Variants in ADGRB1 observed in about 807,000 individuals in gnomAD.
The protein encoded by ADGRB1 is adhesion G protein-coupled receptor B1, also known as brain-specific angiogenesis inhibitor 1.
In ADGRB1, 36 loss-of-function variants were observed where a neutral mutation model predicts 175.7. The ratio of observed to expected loss-of-function variants is 0.20; its 90% CI spans 0.16 to 0.27. The LOEUF (loss-of-function observed/expected upper bound fraction) is 0.27, where lower values mean the gene tolerates loss of function less well. Among genes scored for constraint, ADGRB1 ranks in the 10% least tolerant of loss-of-function variants. The pLI is 1.00. For synonymous variants in ADGRB1, 1,054 were observed against 979.4 expected (o/e 1.08, Z -1.42); for missense variants, 1,731 against 2,255.3 (o/e 0.77, Z 4.71).
chr8:142,475,696 G>T (rs1587287147), intron 3 of ADGRB1, 61 bp downstream of exon 3: 3 of 1,164,606 alleles, frequency 2.6e-6, no homozygotes, highest in Admixed American at 4.5e-5. Context: ...TGTGAGGGAG[G>T]AGAGGGGGGT....
In ADGRB1 at chr8:142,464,876, AC is replaced by A; in HGVS notation, c.682del (p.Leu228TrpfsTer9). On this transcript the variant is annotated frameshift_variant, in exon 2 of 31. Coordinates refer to ENST00000517894, the MANE Select transcript of ADGRB1 (RefSeq NM_001702.3). LOFTEE classifies it high-confidence loss of function. ...GCGAGGCGGGCGGCCCTGCCGCGGG[AC>A]CCCTGGCCCCCCGCGGGGATGTCTG... ...GGEAGGPAAG[P>X]LAPRGDVCLR... 6.6e-7 allele frequency: 1 copy of A among 1,520,774 alleles called. No homozygotes were observed. Among genetic ancestry groups the A allele is most frequent in the Non-Finnish European group, 8.8e-7 (1 of 1,140,170 alleles). 94.2% of individuals were successfully genotyped at this position (1,520,774 alleles called of 1,614,324 possible). A position where few individuals can be genotyped will look rare whatever the true frequency, so the allele number is the denominator to read the frequency against.
At chr8:142,461,171 T>C (rs986694276) in intron 1 of ADGRB1, among the ~76,000 whole-genome samples, 6 of 152,292 alleles carry the variant, frequency 3.9e-5, no homozygotes, top group South Asian at 2.1e-4. Context: ...GCAGAGAGCA[T>C]GGGCGGTGAC....
chr8:142,450,509 G>C (rs1347506914), intron 1 of ADGRB1, among the ~76,000 whole-genome samples: 1 of 152,008 alleles, frequency 6.6e-6, no homozygotes, highest in African/African-American at 2.4e-5. Context: ...GCTGGCGGGG[G>C]TCTAAGGGAG....
rs1184827655 is a variant in ADGRB1, at chr8:142,544,291, G to T, written c.4629G>T (p.Trp1543Cys). The T allele has an allele frequency of 5.8e-6, 9 of 1,549,294 alleles. No homozygotes were observed. The highest frequency in any genetic ancestry group is 7.8e-6 in the Non-Finnish European group (9 of 1,146,610). ...GGAAAGCCCACGGGACGCCCACGTGGGTGAAGAAGGAGCTGGAGCCGCTGC... is the reference window on the plus strand; with the variant it reads ...GGAAAGCCCACGGGACGCCCACGTGTGTGAAGAAGGAGCTGGAGCCGCTGC... Reference protein sequence around the residue: ...SLRKAHGTPTWVKKELEPLQP... With the variant: ...SLRKAHGTPTCVKKELEPLQP... The change falls in exon 31 of 31, where the codon TGG becomes TGT. Residue 1543 changes from tryptophan (W) to cysteine (C), a missense_variant. This residue lies in a region of ADGRB1 where 394 missense variants were observed against 410.2 expected (regional missense o/e 0.96). Coordinates refer to ENST00000517894, the MANE Select transcript of ADGRB1 (RefSeq NM_001702.3).
Position 142,477,146 on chromosome 8 carries a change from A to G in ADGRB1, c.1090A>G (p.Ser364Gly), listed in dbSNP as rs1173022609. The G allele has an allele frequency of 6.3e-7, 1 of 1,590,274 alleles. No homozygotes were observed. The change falls in exon 5 of 31, where the codon AGC (serine) becomes GGC (glycine). Residue 364 changes from serine (S) to glycine (G), a missense_variant. Ser to Gly is a moderately conservative substitution (Grantham distance 56). This residue lies in a region of ADGRB1 where 178 missense variants were observed against 227.8 expected (regional missense o/e 0.78). Transcript: ENST00000517894. ...DPAAEEWSPW[S>G]VCSSTCGEGW... ...AGCAGCCGAGGAGTGGTCCCCGTGGAGCGTGTGCTCCAGCACCTGCGGCGA... is the reference window on the plus strand; with the variant it reads ...AGCAGCCGAGGAGTGGTCCCCGTGGGGCGTGTGCTCCAGCACCTGCGGCGA...
chr8:142,524,139 T>C, intron 22 of ADGRB1, 99 bp from the exon 23 acceptor site: 2 of 1,343,350 alleles, frequency 1.5e-6, no homozygotes, highest in Non-Finnish European at 2.1e-6. Flanking sequence ...AGTTTTCTTC[T>C]GCCACTTCCC....
At chr8:142,516,447 C>T (rs181989295) in intron 18 of ADGRB1, among the ~76,000 whole-genome samples, 331 of 111,724 alleles carry the variant, frequency 3.0e-3, no homozygotes, top group African/African-American at 0.011. Flanking sequence ...GCCCCAGGTG[C>T]GTGTGTCTGT....
Position 142,479,186 on chromosome 8 carries a change from C to T in ADGRB1, c.1562-137C>T, listed in dbSNP as rs1244487552. 1.4e-5 allele frequency: 14 copies of T among 974,886 alleles called. No individual in the cohort carries two copies. The Middle Eastern group carries it at 7.2e-4, about 50-fold the overall frequency. The allele number at this position is 974,886 out of a possible 1,614,324, so 60.4% of individuals were successfully genotyped here. ...TGAATTTCCCTTCTTTGACCTCCTGCCCCACATTCCTGGGTCCCTATGTTT... is the reference window on the plus strand; with the variant it reads ...TGAATTTCCCTTCTTTGACCTCCTGTCCCACATTCCTGGGTCCCTATGTTT... On this transcript the variant is annotated intron_variant, in intron 7 of 30. Coordinates refer to ENST00000517894, the MANE Select transcript of ADGRB1 (RefSeq NM_001702.3).
chr8:142,451,340 C>A (rs1839338444), intron 1 of ADGRB1, among the ~76,000 whole-genome samples: 1 of 152,186 alleles, frequency 6.6e-6, no homozygotes, highest in Non-Finnish European at 1.5e-5. Flanking sequence ...TTACCCCTTT[C>A]CACTTTTATT....
chr8:142,479,083 G>T (rs1237600829), intron 7 of ADGRB1: 2 of 432,798 alleles, frequency 4.6e-6, no homozygotes, highest in Non-Finnish European at 8.0e-6. Context: ...GAGGTGTGGA[G>T]GGTGGTGGGG....
chr8:142,525,611 G>C (rs1439110216), intron 23 of ADGRB1, among the ~76,000 whole-genome samples: 1 of 152,176 alleles, frequency 6.6e-6, no homozygotes, highest in Non-Finnish European at 1.5e-5. Flanking sequence ...TGGGTGTCTG[G>C]GAACTCTGCA....
intron 17 of ADGRB1, among the ~76,000 whole-genome samples, chr8:142,495,371 G>T (rs1330662966): frequency 2.0e-5 from 3 of 152,118 alleles, no homozygotes; most frequent in Non-Finnish European, 4.4e-5. Flanking sequence ...ATGGGTGACT[G>T]AGAGAAGGAA....
chr8:142,525,312 A>C (rs1451079632), intron 23 of ADGRB1, among the ~76,000 whole-genome samples: 1 of 140,708 alleles, frequency 7.1e-6, no homozygotes, highest in African/African-American at 2.5e-5. Context: ...GCGGTACCCC[A>C]GGCACCTGGG....
intron 25 of ADGRB1, among the ~76,000 whole-genome samples, chr8:142,533,825 G>A (rs764967455): frequency 6.6e-6 from 1 of 152,192 alleles, no homozygotes; most frequent in Non-Finnish European, 1.5e-5. Context: ...TCCTGCTTCC[G>A]GCGTTTTCTG....
At position 142,489,336 on chromosome 8, in the gene ADGRB1, G is replaced by A. The variant is rs1223492115; in HGVS notation, c.2529G>A (p.Arg843=). 7 of 1,612,724 alleles carry A rather than the reference G, an allele frequency of 4.3e-6. No homozygotes were observed. Among genetic ancestry groups the A allele is most frequent in the Non-Finnish European group, 5.9e-6 (7 of 1,179,810 alleles). Residue 843 remains arginine (R), a splice_region_variant and synonymous_variant, in exon 16 of 31, where the codon AGG becomes AGA. Transcript: ENST00000517894. ...ACACCTGTGCCTCTGGCTCTTGCAG[G>A]AACACGACCGTCCTGAATTCTAAGG... is the stretch of plus-strand genomic sequence containing the variant. ...RNLGSFLALQ[R]NTTVLNSKVI...
intron 25 of ADGRB1, among the ~76,000 whole-genome samples, chr8:142,536,640 AG>A (rs1310277679): frequency 1.3e-5 from 2 of 152,020 alleles, no homozygotes; most frequent in African/African-American, 4.8e-5. Context: ...CTGGAGATGC[AG>A]GCCAGGTCCA....
intron 24 of ADGRB1, among the ~76,000 whole-genome samples, chr8:142,532,802 C>A (rs1323620874): frequency 1.3e-5 from 2 of 152,076 alleles, no homozygotes; most frequent in Non-Finnish European, 2.9e-5. Context: ...ACCAGGGGAT[C>A]CTCCTTGGCG....
At chr8:142,483,870 T>C (rs1418212667) in intron 11 of ADGRB1, 107 bp from the exon 12 acceptor site, 54 of 1,159,784 alleles carry the variant, frequency 4.7e-5, no homozygotes, top group Middle Eastern at 3.9e-4. Flanking sequence ...CCTGGTCACA[T>C]ATTCAGCCCT....
In ADGRB1 at chr8:142,464,546, C is replaced by T; in HGVS notation, c.348C>T (p.Gly116=). ...TCGAGTCCACGCGCACCTACCTGGG[C>T]GTGGAGAGCTTCGACGAGGTGCTGC... ...SFLESTRTYL[G]VESFDEVLRL... Residue 116 remains glycine, a synonymous_variant, in exon 2 of 31, where the codon GGC becomes GGT. Coordinates refer to ENST00000517894, the MANE Select transcript of ADGRB1 (RefSeq NM_001702.3). 2.6e-6 allele frequency: 4 copies of T among 1,560,380 alleles called. No homozygotes were observed. Among genetic ancestry groups the T allele is most frequent in the Non-Finnish European group, 3.5e-6 (4 of 1,155,820 alleles).
Sources: gnomAD v4.1 joint callset for allele counts (sites outside exome capture counted in the v4.1 genomes callset) on GRCh38, gnomAD v4.1.1 for gene constraint, gnomAD v4.1.1 regional missense constraint, MANE v1.5 for transcripts, NCBI Gene and HGNC (gene_info 2026-07-23, HGNC 2026-07-21) for gene names.